ATOSA: variants seen among roughly 807,000 people sequenced by gnomAD.
The protein encoded by ATOSA is atos homolog A.
At chr15:52,618,538 A>T in the ATOSA span, among the ~76,000 whole-genome samples, 1 of 152,172 alleles carries the variant, frequency 6.6e-6, no homozygotes, top group Non-Finnish European at 1.5e-5. Flanking sequence ...AAGAGGTATT[A>T]CCAGGACTCT....
the ATOSA span, among the ~76,000 whole-genome samples, chr15:52,631,016 T>C: frequency 6.6e-6 from 1 of 152,324 alleles, no homozygotes; most frequent in East Asian, 1.9e-4. Context: ...ATTTTGGGGA[T>C]GTACCTGAGG....
chr15:52,642,823 T>C, the ATOSA span, among the ~76,000 whole-genome samples: 2 of 152,222 alleles, frequency 1.3e-5, no homozygotes, highest in South Asian at 2.1e-4. Flanking sequence ...TTTATTTTTT[T>C]GAGACAAAGT....
the ATOSA span, chr15:52,601,031 C>T: frequency 9.2e-7 from 1 of 1,091,414 alleles, no homozygotes; most frequent in Non-Finnish European, 1.3e-6. Flanking sequence ...TTGTTAAAGA[C>T]CAGAATTTTG....
chr15:52,611,079 A>G, the ATOSA span: 1 of 1,532,886 alleles, frequency 6.5e-7, no homozygotes, highest in South Asian at 1.3e-5. Context: ...TTCGGTTGCT[A>G]ACCAAGGTGG....
the ATOSA span, among the ~76,000 whole-genome samples, chr15:52,601,483 C>T: frequency 2.7e-5 from 4 of 147,940 alleles, no homozygotes; most frequent in Non-Finnish European, 5.9e-5. Flanking sequence ...TTTTTGTATA[C>T]TTCTCTATTT....
At chr15:52,652,577 T>C in the ATOSA span, among the ~76,000 whole-genome samples, 2 of 152,186 alleles carry the variant, frequency 1.3e-5, no homozygotes, top group African/African-American at 4.8e-5. Flanking sequence ...TAAAATGGGA[T>C]AGGTCCTGAA....
the ATOSA span, among the ~76,000 whole-genome samples, chr15:52,626,393 C>T: frequency 6.6e-6 from 1 of 152,068 alleles, no homozygotes; most frequent in Non-Finnish European, 1.5e-5. Flanking sequence ...ACAGTTACAT[C>T]TGGTTATAAA....
the ATOSA span, among the ~76,000 whole-genome samples, chr15:52,605,891 AT>A: frequency 6.6e-6 from 1 of 152,024 alleles, no homozygotes; most frequent in Non-Finnish European, 1.5e-5. Flanking sequence ...CAATATATAT[AT>A]TTTTTCCTAT....
chr15:52,613,319 T>C, the ATOSA span, among the ~76,000 whole-genome samples: 7 of 152,314 alleles, frequency 4.6e-5, no homozygotes, highest in South Asian at 1.5e-3. Context: ...TGAGCCAAGA[T>C]CGCGCCACTG....
At chr15:52,662,724 C>T in the ATOSA span, among the ~76,000 whole-genome samples, 7 of 145,492 alleles carry the variant, frequency 4.8e-5, no homozygotes, top group Non-Finnish European at 3.0e-5. Context: ...GAGCTGAGAT[C>T]GAGCCACTGC....
At chr15:52,678,025 C>T in the ATOSA span, 3 of 1,614,038 alleles carry the variant, frequency 1.9e-6, no homozygotes, top group Non-Finnish European at 2.5e-6. Context: ...GCTTCATTTT[C>T]ACATCCAATT....
the ATOSA span, chr15:52,611,582 G>A: frequency 1.2e-6 from 2 of 1,613,854 alleles, no homozygotes. Context: ...TACTGTCGAG[G>A]AACTGGCTCC....
At chr15:52,641,778 A>G in the ATOSA span, among the ~76,000 whole-genome samples, 3 of 152,140 alleles carry the variant, frequency 2.0e-5, no homozygotes, top group South Asian at 2.1e-4. Context: ...ACATTTTCTG[A>G]TTTTTTCCCC....
the ATOSA span, among the ~76,000 whole-genome samples, chr15:52,588,723 A>G: frequency 7.9e-5 from 12 of 152,322 alleles, no homozygotes; most frequent in East Asian, 2.3e-3. Flanking sequence ...AAGTGCTGGG[A>G]TGACAGGCGT....
chr15:52,632,781 C>A, the ATOSA span, among the ~76,000 whole-genome samples: 1 of 152,098 alleles, frequency 6.6e-6, no homozygotes, highest in African/African-American at 2.4e-5. Context: ...TTATTGATTT[C>A]ATGAAGTATT....
chr15:52,608,433 G>A, the ATOSA span: 1 of 780,538 alleles, frequency 1.3e-6, no homozygotes, highest in South Asian at 2.7e-5. Flanking sequence ...TAGTTCTGTA[G>A]GTTTATTATT....
chr15:52,609,331 T>C, the ATOSA span: 10 of 1,613,900 alleles, frequency 6.2e-6, no homozygotes, highest in Admixed American at 3.3e-5. Context: ...CAACAAATTT[T>C]TGTCTTCATA....
the ATOSA span, among the ~76,000 whole-genome samples, chr15:52,699,622 A>C: frequency 6.6e-6 from 1 of 151,552 alleles, no homozygotes; most frequent in Non-Finnish European, 1.5e-5. Flanking sequence ...ATTCCACTTG[A>C]GTGGTTCCTT....
chr15:52,651,955 T>C, the ATOSA span: 2 of 1,511,892 alleles, frequency 1.3e-6, no homozygotes, highest in South Asian at 1.2e-5. Context: ...TCAATAGCTA[T>C]ACTATCAGTA....
Sources: allele counts gnomAD v4.1 joint callset (sites outside exome capture counted in the v4.1 genomes callset), GRCh38; gene constraint gnomAD v4.1.1; transcripts MANE v1.5; gene names NCBI Gene and HGNC (gene_info 2026-07-23, HGNC 2026-07-21).